Variants in ALDH7A1 observed in about 807,000 individuals in gnomAD.
ALDH7A1 encodes aldehyde dehydrogenase 7 family member A1.
ALDH7A1 carries 63 observed loss-of-function variants against 79.9 expected under a neutral mutation model. The observed-to-expected ratio is 0.79, with a 90% CI of 0.64 to 0.97. The LOEUF (loss-of-function observed/expected upper bound fraction) is 0.97, where lower values mean the gene tolerates loss of function less well. Among genes scored for constraint, ALDH7A1 ranks in the 50% least tolerant of loss-of-function variants. ALDH7A1 has a pLI of 0.00. For missense variants in ALDH7A1, 627 were observed against 665.2 expected, an observed-to-expected ratio of 0.94 and a Z score of 0.63; for synonymous variants, 240 against 231.2, an observed-to-expected ratio of 1.04 and a Z score of -0.34.
intron 9 of ALDH7A1, chr5:126,564,522 A>G (rs542935245): frequency 1.6e-6 from 2 of 1,247,178 alleles, no homozygotes; most frequent in African/African-American, 1.6e-5. Flanking sequence ...TTCCATGTGA[A>G]TAACTTTTAT....
chr5:126,577,549 G>A (rs1313154141), intron 5 of ALDH7A1, among the ~76,000 whole-genome samples: 1 of 152,076 alleles, frequency 6.6e-6, no homozygotes, highest in Admixed American at 6.6e-5. Flanking sequence ...ACATGACCAG[G>A]GCACAGGGGC....
chr5:126,578,656 GAAAGA>G (rs1486852148), intron 5 of ALDH7A1, among the ~76,000 whole-genome samples: 18 of 134,014 alleles, frequency 1.3e-4, no homozygotes, highest in East Asian at 4.2e-4. Flanking sequence ...AAAAAAAAAA[GAAAGA>G]AAAGAAAAGA....
chr5:126,562,204 T>G (rs568573395), intron 9 of ALDH7A1: 1 of 90,366 alleles, frequency 1.1e-5, no homozygotes, highest in South Asian at 3.0e-4. Flanking sequence ...TTATTTTTAT[T>G]AATTTTTTTT....
At chr5:126,556,773 G>A (rs1392256163) in intron 11 of ALDH7A1, among the ~76,000 whole-genome samples, 2 of 152,130 alleles carry the variant, frequency 1.3e-5, no homozygotes, top group Non-Finnish European at 2.9e-5. Flanking sequence ...CATTCTCTGG[G>A]TAGTTGTCAG....
chr5:126,583,077 A>C, intron 4 of ALDH7A1, 103 bp from the exon 5 acceptor site: 2 of 1,380,090 alleles, frequency 1.4e-6, no homozygotes, highest in Non-Finnish European at 1.0e-6. Context: ...AAATGTAATA[A>C]ACTGAAGAAA....
chr5:126,547,815 G>A (rs2112748543), intron 16 of ALDH7A1, among the ~76,000 whole-genome samples: 2 of 152,250 alleles, frequency 1.3e-5, no homozygotes, highest in South Asian at 4.1e-4. Flanking sequence ...ACTTTGGGAG[G>A]CCGAGGCAGG....
intron 9 of ALDH7A1, among the ~76,000 whole-genome samples, chr5:126,564,760 A>G (rs1251859114): frequency 1.3e-5 from 2 of 152,152 alleles, no homozygotes; most frequent in Non-Finnish European, 2.9e-5. Context: ...AGAAGGAAGG[A>G]AACGGAAGCT....
At chr5:126,593,936 T>A (rs1313416781) in intron 1 of ALDH7A1, 2 of 269,512 alleles carry the variant, frequency 7.4e-6, no homozygotes, top group Non-Finnish European at 1.5e-5. Context: ...TGAGGAGCAA[T>A]TAAAATTATC....
chr5:126,582,249 C>A (rs1308256884), intron 5 of ALDH7A1: 1 of 396,628 alleles, frequency 2.5e-6, no homozygotes, highest in Non-Finnish European at 4.4e-6. Flanking sequence ...ACTTTTAATC[C>A]TTCAACCTTT....
rs915678766 is a variant in ALDH7A1, at chr5:126,542,233, A to C, written c.*2732T>G. On this transcript the variant is annotated 3_prime_UTR_variant, in exon 18 of 18. Transcript: ENST00000409134. ...TGAAAACACTTAAAAAGCATTCCAA[A>C]TCAGCTTTCCAATCTGCAACCTTTG... is the stretch of plus-strand genomic sequence containing the variant. 1 of 152,172 alleles carries C rather than the reference A, an allele frequency of 6.6e-6. No homozygotes were observed. Among genetic ancestry groups the C allele is most frequent in the Non-Finnish European group, 1.5e-5 (1 of 68,034 alleles). The allele number at this position is 152,172 out of a possible 1,614,324, so 9.4% of individuals were successfully genotyped here.
intron 8 of ALDH7A1, chr5:126,569,728 ATAT>A (rs1750713687): frequency 6.6e-6 from 1 of 152,240 alleles, no homozygotes; most frequent in South Asian, 2.1e-4. Context: ...CACTTAGATA[ATAT>A]TTCACTCTGC....
chr5:126,580,709 C>T (rs1010621552), intron 5 of ALDH7A1, among the ~76,000 whole-genome samples: 2 of 152,174 alleles, frequency 1.3e-5, no homozygotes, highest in Non-Finnish European at 2.9e-5. Flanking sequence ...ACAGAGATAA[C>T]CACTGCTACC....
intron 6 of ALDH7A1, among the ~76,000 whole-genome samples, chr5:126,576,117 G>T (rs1032406494): frequency 6.6e-6 from 1 of 152,024 alleles, no homozygotes; most frequent in Non-Finnish European, 1.5e-5. Context: ...AAAAAAATTA[G>T]CCGGGCGTGG....
At chr5:126,557,668 T>C (rs1203439362) in intron 11 of ALDH7A1, among the ~76,000 whole-genome samples, 1 of 152,016 alleles carries the variant, frequency 6.6e-6, no homozygotes, top group Non-Finnish European at 1.5e-5. Flanking sequence ...TCTAATTAAT[T>C]TAGATTATGT....
chr5:126,568,220 T>A, intron 9 of ALDH7A1, 39 bp downstream of exon 9: 2 of 1,588,590 alleles, frequency 1.3e-6, no homozygotes, highest in Non-Finnish European at 8.6e-7. Context: ...CCTCCATATT[T>A]GAGAGAATTA....
At chr5:126,588,564 T>C (rs369011606) in intron 3 of ALDH7A1, 16 of 152,190 alleles carry the variant, frequency 1.1e-4, no homozygotes, top group Admixed American at 2.0e-4. Context: ...CCTAGATAAA[T>C]AGACACATAC....
chr5:126,579,763 G>T (rs917318265), intron 5 of ALDH7A1, among the ~76,000 whole-genome samples: 3 of 152,132 alleles, frequency 2.0e-5, no homozygotes, highest in Non-Finnish European at 4.4e-5. Context: ...TTCTAGACCA[G>T]CCTAGGCCAC....
intron 3 of ALDH7A1, among the ~76,000 whole-genome samples, chr5:126,590,051 A>C (rs1166904066): frequency 2.2e-5 from 3 of 136,698 alleles, no homozygotes; most frequent in African/African-American, 8.5e-5. Flanking sequence ...CCCCGTCTGG[A>C]AAGTGAAGAG....
At chr5:126,565,376 G>C (rs1451985766) in intron 9 of ALDH7A1, among the ~76,000 whole-genome samples, 2 of 109,424 alleles carry the variant, frequency 1.8e-5, no homozygotes, top group African/African-American at 7.1e-5. Context: ...CTGGGCAACA[G>C]AGCGTGAGAT....
Sources: allele counts gnomAD v4.1 joint callset (sites outside exome capture counted in the v4.1 genomes callset), GRCh38; gene constraint gnomAD v4.1.1; transcripts MANE v1.5; gene names NCBI Gene and HGNC (gene_info 2026-07-23, HGNC 2026-07-21).